Variants in PCDH9 observed in about 807,000 individuals in gnomAD.
PCDH9 encodes the protein protocadherin 9.
In PCDH9, 24 loss-of-function variants were observed where a neutral mutation model predicts 70.6. The ratio of observed to expected loss-of-function variants is 0.34; its 90% CI spans 0.25 to 0.48. The LOEUF (loss-of-function observed/expected upper bound fraction) is 0.48, where lower values mean the gene tolerates loss of function less well. PCDH9 is among the 20% of genes least tolerant of loss of function. PCDH9 has a pLI of 0.99. For missense variants in PCDH9, 1,281 were observed against 1,503.6 expected (o/e 0.85, Z 2.45); for synonymous variants, 562 against 558.5 (o/e 1.01, Z -0.09).
chr13:67,035,524 T>C (rs1252846887), intron 2 of PCDH9, among the ~76,000 whole-genome samples: 2 of 150,988 alleles, frequency 1.3e-5, no homozygotes, highest in Admixed American at 1.3e-4. Flanking sequence ...TAGACTTCTA[T>C]GAAAACAAAT....
chr13:67,023,409 G>A (rs569285416), intron 2 of PCDH9, among the ~76,000 whole-genome samples: 2 of 152,098 alleles, frequency 1.3e-5, no homozygotes, highest in South Asian at 2.1e-4. Flanking sequence ...GTAAAATTCT[G>A]TCTTATATAT....
At chr13:66,925,768 A>G (rs1022544285) in intron 2 of PCDH9, among the ~76,000 whole-genome samples, 2 of 152,036 alleles carry the variant, frequency 1.3e-5, no homozygotes, top group African/African-American at 4.8e-5. Context: ...AGATAGTAGC[A>G]TAAAATACTT....
At chr13:66,577,936 G>A (rs2076837626) in intron 4 of PCDH9, among the ~76,000 whole-genome samples, 1 of 151,934 alleles carries the variant, frequency 6.6e-6, no homozygotes, top group South Asian at 2.1e-4. Flanking sequence ...CTGATGCTGA[G>A]GGAAAGGTGG....
chr13:66,768,103 C>T (rs2079747603), intron 3 of PCDH9, among the ~76,000 whole-genome samples: 2 of 152,020 alleles, frequency 1.3e-5, no homozygotes, highest in Admixed American at 1.3e-4. Context: ...TATTTTAGTA[C>T]AAATCTTGTA....
chr13:67,176,774 CT>C (rs1424512825), intron 2 of PCDH9, among the ~76,000 whole-genome samples: 1 of 151,998 alleles, frequency 6.6e-6, no homozygotes, highest in Non-Finnish European at 1.5e-5. Context: ...TAGGCATTCT[CT>C]TTTTTTAAGT....
chr13:66,639,023 G>A (rs2077676024), intron 3 of PCDH9, among the ~76,000 whole-genome samples: 1 of 152,178 alleles, frequency 6.6e-6, no homozygotes, highest in Non-Finnish European at 1.5e-5. Flanking sequence ...GAATGTGAAG[G>A]TGTCAGCAAT....
At chr13:67,025,930 T>C (rs959319653) in intron 2 of PCDH9, among the ~76,000 whole-genome samples, 5 of 152,174 alleles carry the variant, frequency 3.3e-5, no homozygotes, top group Admixed American at 6.5e-5. Context: ...TATCACTATG[T>C]AGCTGATTTG....
At chr13:66,489,710 C>A (rs1041669242) in intron 4 of PCDH9, among the ~76,000 whole-genome samples, 8 of 152,080 alleles carry the variant, frequency 5.3e-5, no homozygotes, top group African/African-American at 1.7e-4. Context: ...TCTGTATATG[C>A]CTAGTTTGTA....
In PCDH9 at chr13:66,648,697, C is replaced by A. The variant is rs554451307; in HGVS notation, c.3139-17286G>T. ...AAACATTCTCAAGTATCAAGACCAT[C>A]CAAGAAAATCTCACCTCACTAAAAA... On this transcript the variant is annotated intron_variant, in intron 3 of 4. Transcript: ENST00000377865. Among the ~76,000 whole-genome samples, 3 of 152,092 alleles carry A rather than the reference C, an allele frequency of 2.0e-5. No homozygotes were observed. The South Asian group carries it at 6.2e-4, about 32-fold the overall frequency.
chr13:66,899,153 C>G (rs185479968), intron 3 of PCDH9, among the ~76,000 whole-genome samples: 1 of 151,962 alleles, frequency 6.6e-6, no homozygotes, highest in East Asian at 1.9e-4. Flanking sequence ...TTCACTTATA[C>G]GCATTTAATG....
chr13:67,221,183 T>G (rs532117866), intron 2 of PCDH9: 8 of 152,230 alleles, frequency 5.3e-5, no homozygotes, highest in African/African-American at 1.9e-4. Flanking sequence ...GAAAATATCT[T>G]AAAGATTTTG....
At chr13:67,074,141 A>C (rs1191559590) in intron 2 of PCDH9, among the ~76,000 whole-genome samples, 1 of 151,752 alleles carries the variant, frequency 6.6e-6, no homozygotes, top group East Asian at 1.9e-4. Context: ...TATCTATCTT[A>C]CTGCTATAGA....
At position 66,552,352 on chromosome 13, in the gene PCDH9, C is replaced by T. The variant is rs76986661; in HGVS notation, c.3340+78858G>A. 1.6e-3 allele frequency among the ~76,000 whole-genome samples: 244 copies of T among 152,154 alleles called. 6 individuals carry two copies. The East Asian group carries it at 0.04, about 25-fold the overall frequency. On this transcript the variant is annotated intron_variant, in intron 4 of 4. Transcript: ENST00000377865. Reference sequence around the variant, plus strand: ...CTTTGGGCTATTTTTCTGGGGTCTCCTAGGCGCGATATTTGCATGTCTGGA... The same window carrying T: ...CTTTGGGCTATTTTTCTGGGGTCTCTTAGGCGCGATATTTGCATGTCTGGA...
intron 2 of PCDH9, among the ~76,000 whole-genome samples, chr13:67,063,407 G>A (rs1317651470): frequency 6.6e-6 from 1 of 151,980 alleles, no homozygotes; most frequent in Non-Finnish European, 1.5e-5. Flanking sequence ...GCTTGGGGAG[G>A]TGCTTTAACT....
At chr13:66,989,862 T>C (rs1203497207) in intron 2 of PCDH9, among the ~76,000 whole-genome samples, 2 of 151,834 alleles carry the variant, frequency 1.3e-5, no homozygotes, top group African/African-American at 4.8e-5. Context: ...TTCCTCACAC[T>C]AACAGCATTT....
intron 4 of PCDH9, among the ~76,000 whole-genome samples, chr13:66,550,414 A>G (rs566074294): frequency 7.4e-4 from 113 of 152,232 alleles, no homozygotes; most frequent in Non-Finnish European, 1.2e-3. Flanking sequence ...CAATTACCCC[A>G]TAGAAACATA....
At chr13:66,829,121 GA>G (rs2080877982) in intron 3 of PCDH9, among the ~76,000 whole-genome samples, 1 of 152,004 alleles carries the variant, frequency 6.6e-6, no homozygotes, top group East Asian at 1.9e-4. Flanking sequence ...GGGTTCAAGC[GA>G]TTCTCCTGCC....
At chr13:67,128,485 T>A (rs535308580) in intron 2 of PCDH9, among the ~76,000 whole-genome samples, 1 of 152,330 alleles carries the variant, frequency 6.6e-6, no homozygotes, top group Non-Finnish European at 1.5e-5. Context: ...GACCTCGTGC[T>A]GAAACACAGC....
At chr13:67,124,753 T>G (rs990227111) in intron 2 of PCDH9, among the ~76,000 whole-genome samples, 1 of 152,172 alleles carries the variant, frequency 6.6e-6, no homozygotes, top group African/African-American at 2.4e-5. Flanking sequence ...GACTGAAGTT[T>G]TGGAGGAAGA....
Sources: gnomAD v4.1 joint callset for allele counts (sites outside exome capture counted in the v4.1 genomes callset) on GRCh38, gnomAD v4.1.1 for gene constraint, MANE v1.5 for transcripts, NCBI Gene and HGNC (gene_info 2026-07-23, HGNC 2026-07-21) for gene names.